Variants in LZIC observed in about 807,000 individuals in gnomAD.
The protein encoded by LZIC is protein LZIC.
Under a neutral mutation model 25.4 loss-of-function variants are expected in LZIC, and 28 were observed. That is an observed-to-expected ratio of 1.10 (90% CI 0.82 to 1.51). The LOEUF is 1.51. Ranked by LOEUF, LZIC falls within the 40% of genes most tolerant of loss-of-function variation. LZIC has a pLI of 0.00. For synonymous variants in LZIC, 65 were observed against 70.7 expected (o/e 0.92, Z 0.40); for missense variants, 170 against 211.1 (o/e 0.81, Z 1.21).
rs1228739236 is a variant in LZIC, at chr1:9,928,270, G to A, written c.*2129C>T. On this transcript the variant is annotated 3_prime_UTR_variant, in exon 8 of 8. Transcript: ENST00000377223. ...AGAAGTTGTGGTGAGCCGAGATCAC[G>A]CCATTGCACTCCAGCCTGGGCAACA... is the stretch of plus-strand genomic sequence containing the variant. Among the ~76,000 whole-genome samples, 3 of 151,970 alleles carry A rather than the reference G, an allele frequency of 2.0e-5. No homozygotes were observed. The highest frequency in any genetic ancestry group is 6.6e-5 in the Admixed American group (1 of 15,256).
chr1:9,942,555 C>T lies in LZIC; in HGVS notation c.-9+69G>A, dbSNP rs140072066. On this transcript the variant is annotated intron_variant, in intron 2 of 7. Coordinates refer to ENST00000377223, the MANE Select transcript of LZIC (RefSeq NM_032368.5). The stretch of plus-strand genomic sequence containing the variant: ...GTCACTAAATGTGGTGCACTTTTCA[C>T]TTTTACGAAACTACAGAAACCGCTC... 1.4e-3 allele frequency: 1,057 copies of T among 747,072 alleles called. 12 individuals carry two copies. In the African/African-American group the frequency reaches 0.017, roughly 12 times the overall value. 46.3% of individuals were successfully genotyped at this position (747,072 alleles called of 1,614,324 possible). A position where few individuals can be genotyped will look rare whatever the true frequency, so the allele number is the denominator to read the frequency against.
chr1:9,940,301 C>T (rs984234767), intron 2 of LZIC, among the ~76,000 whole-genome samples: 1 of 151,958 alleles, frequency 6.6e-6, no homozygotes, highest in Admixed American at 6.6e-5. Context: ...CTCAGCCTCC[C>T]GAGTAGCTAG....
Position 9,926,426 on chromosome 1 carries a change from G to T in LZIC, c.*3973C>A, listed in dbSNP as rs551640850. ...CATAGTCTTTTATTTTTCTAAAGATGACCATTCCATGTTTAATGTCTTCAG... is the reference window on the plus strand; with the variant it reads ...CATAGTCTTTTATTTTTCTAAAGATTACCATTCCATGTTTAATGTCTTCAG... On this transcript the variant is annotated 3_prime_UTR_variant, in exon 8 of 8. Transcript: ENST00000377223. Among the ~76,000 whole-genome samples the T allele has an allele frequency of 4.6e-5, 7 of 152,184 alleles. No individual in the cohort carries two copies. Among genetic ancestry groups the T allele is most frequent in the Admixed American group, 2.6e-4 (4 of 15,256 alleles).
intron 2 of LZIC, among the ~76,000 whole-genome samples, chr1:9,937,371 C>T (rs1463638657): frequency 1.3e-5 from 2 of 148,774 alleles, no homozygotes; most frequent in African/African-American, 5.0e-5. Context: ...CCTGCCTGGG[C>T]GACAGAGCAA....
intron 5 of LZIC, among the ~76,000 whole-genome samples, chr1:9,934,290 C>T (rs1291552520): frequency 2.0e-5 from 3 of 151,950 alleles, no homozygotes; most frequent in Non-Finnish European, 2.9e-5. Context: ...GAATTCAAAT[C>T]CAGCCAGTCT....
At chr1:9,939,542 C>CTTTTTTTTTTTTTTTTTTT (rs34837155) in intron 2 of LZIC, among the ~76,000 whole-genome samples, 3 of 81,984 alleles carry the variant, frequency 3.7e-5, no homozygotes, top group Non-Finnish European at 6.8e-5. Context: ...CCACATCTGC[C>CTTTTTTTTTTTTTTTTTTT]TTTTTTTTTT....
At position 9,936,631 on chromosome 1, in the gene LZIC, T is replaced by G; in HGVS notation, c.-8-4A>C. 1.3e-6 allele frequency: 2 copies of G among 1,579,936 alleles called. No individual in the cohort carries two copies. The highest frequency in any genetic ancestry group is 1.7e-6 in the Non-Finnish European group (2 of 1,150,406). On this transcript the variant is annotated splice_region_variant and splice_polypyrimidine_tract_variant and intron_variant, in intron 2 of 7. Transcript: ENST00000377223. ...CCTCTGGAAGCCATTTTAATCTCTA[T>G]GTGAAACAATAAACCCACATACCAT... is the stretch of plus-strand genomic sequence containing the variant.
chr1:9,932,947 C>T lies in LZIC; in HGVS notation c.337-49G>A, dbSNP rs372208654. The T allele has an allele frequency of 4.2e-5, 53 of 1,268,582 alleles. No homozygotes were observed. In the African/African-American group the frequency reaches 7.2e-4, roughly 17 times the overall value. The allele number at this position is 1,268,582 out of a possible 1,614,324, so 78.6% of individuals were successfully genotyped here. On this transcript the variant is annotated intron_variant, in intron 5 of 7. Coordinates refer to ENST00000377223, the MANE Select transcript of LZIC (RefSeq NM_032368.5). ...TATGTTACTTAAGTGAAAAACATTC[C>T]ATATACAAAATATAGCTTTTCAGGC...
intron 4 of LZIC, 143 bp downstream of exon 4, chr1:9,935,342 CGCTTGAA>C (rs1640406963): frequency 1.5e-6 from 1 of 680,358 alleles, no homozygotes; most frequent in Admixed American, 3.0e-5. Context: ...TAAGGAGAAT[CGCTTGAA>C]CCTGGGAGGC....
intron 2 of LZIC, among the ~76,000 whole-genome samples, chr1:9,939,529 C>T (rs1269338184): frequency 6.8e-6 from 1 of 146,516 alleles, no homozygotes; most frequent in African/African-American, 2.5e-5. Context: ...TACAGGTGTG[C>T]CACCACATCT....
At chr1:9,932,685 GA>G (rs34009055) in intron 6 of LZIC, 117 bp downstream of exon 6, 16,713 of 280,566 alleles carry the variant, frequency 0.06, no homozygotes, top group East Asian at 0.093. Context: ...CTCCGTCTCA[GA>G]AAAAAAAAAA....
rs1334929077 is a variant in LZIC, at chr1:9,930,341, GAAGA to G, written c.*54_*57del. On this transcript the variant is annotated 3_prime_UTR_variant, in exon 8 of 8. Transcript: ENST00000377223. ...TTCTTTGCAATAACTGAAAACCCCA[GAAGA>G]AAGACACCATTTACATTAAGAATGT... 9 of 1,590,094 alleles carry G rather than the reference GAAGA, an allele frequency of 5.7e-6. No individual in the cohort carries two copies. Among genetic ancestry groups the G allele is most frequent in the Non-Finnish European group, 7.7e-6 (9 of 1,169,568 alleles).
chr1:9,928,468 C>T lies in LZIC; in HGVS notation c.*1931G>A, dbSNP rs1640084020. On this transcript the variant is annotated 3_prime_UTR_variant, in exon 8 of 8. Coordinates refer to ENST00000377223, the MANE Select transcript of LZIC (RefSeq NM_032368.5). Reference sequence around the variant, plus strand: ...ACAATAGCCAAAAGAAGGAAACAACCCAAATCATCAACAGATACCGGATAA... The same window carrying T: ...ACAATAGCCAAAAGAAGGAAACAACTCAAATCATCAACAGATACCGGATAA... Among the ~76,000 whole-genome samples, 1 of 152,014 alleles carries T rather than the reference C, an allele frequency of 6.6e-6. No individual in the cohort carries two copies. Among genetic ancestry groups the T allele is most frequent in the Admixed American group, 6.6e-5 (1 of 15,248 alleles).
In LZIC at chr1:9,942,781, T is replaced by C. The variant is rs772729383; in HGVS notation, c.-166A>G. 29 of 967,384 alleles carry C rather than the reference T, an allele frequency of 3.0e-5. No homozygotes were observed. The South Asian group carries it at 3.7e-4, about 13-fold the overall frequency. The allele number at this position is 967,384 out of a possible 1,614,324, so 59.9% of individuals were successfully genotyped here. A position where few individuals can be genotyped will look rare whatever the true frequency, so the allele number is the denominator to read the frequency against. On this transcript the variant is annotated splice_region_variant and 5_prime_UTR_variant, in exon 2 of 8. Coordinates refer to ENST00000377223, the MANE Select transcript of LZIC (RefSeq NM_032368.5). Reference sequence around the variant, plus strand: ...AGTTCAAACCACCTCGGGGTGGAGATGCTGGAAAAAAGGAAACCATTAACA... The same window carrying C: ...AGTTCAAACCACCTCGGGGTGGAGACGCTGGAAAAAAGGAAACCATTAACA...
At chr1:9,935,074 T>C (rs1309203724) in intron 4 of LZIC, among the ~76,000 whole-genome samples, 1 of 151,934 alleles carries the variant, frequency 6.6e-6, no homozygotes, top group Non-Finnish European at 1.5e-5. Context: ...GGCAGGAGGA[T>C]TGCTTGAGCC....
chr1:9,925,207 T>C (rs1639952643), downstream of LZIC, among the ~76,000 whole-genome samples: 1 of 149,598 alleles, frequency 6.7e-6, no homozygotes, highest in South Asian at 2.1e-4. Context: ...ATGCCTGTAA[T>C]CCCAGCTACT....
chr1:9,938,195 TCTCA>T (rs1206112151), intron 2 of LZIC, among the ~76,000 whole-genome samples: 1 of 152,068 alleles, frequency 6.6e-6, no homozygotes, highest in Admixed American at 6.6e-5. Context: ...TGAGATAGGG[TCTCA>T]CTCTGTTGCC....
At chr1:9,925,029 C>T (rs1639947256), downstream of LZIC, among the ~76,000 whole-genome samples, 1 of 151,774 alleles carries the variant, frequency 6.6e-6, no homozygotes, top group Admixed American at 6.6e-5. Flanking sequence ...ATAACCCTTA[C>T]CACCGGGCGC....
intron 5 of LZIC, 108 bp from the exon 6 acceptor site, chr1:9,933,006 CTT>C (rs900268245): frequency 1.3e-5 from 9 of 700,832 alleles, no homozygotes; most frequent in Admixed American, 1.2e-4. Context: ...AATCTCAACA[CTT>C]TGGGCGGATC....
Sources: gnomAD v4.1 joint callset for allele counts (sites outside exome capture counted in the v4.1 genomes callset) on GRCh38, gnomAD v4.1.1 for gene constraint, MANE v1.5 for transcripts, NCBI Gene and HGNC (gene_info 2026-07-23, HGNC 2026-07-21) for gene names.